Variants in HBEGF observed in about 807,000 individuals in gnomAD.
HBEGF encodes the protein proheparin-binding EGF-like growth factor.
HBEGF carries 8 observed loss-of-function variants against 19.5 expected under a neutral mutation model. The observed-to-expected ratio is 0.41, with a 90% CI of 0.24 to 0.74. The LOEUF is 0.74. Ranked by LOEUF, HBEGF falls within the 30% of genes least tolerant of loss-of-function variation. The pLI is 0.32. For synonymous variants in HBEGF, 97 were observed against 108.9 expected, an observed-to-expected ratio of 0.89 and a Z score of 0.68; for missense variants, 207 against 256.9, an observed-to-expected ratio of 0.81 and a Z score of 1.33.
chr5:140,338,764 C>G (rs917123407), intron 3 of HBEGF, among the ~76,000 whole-genome samples: 1 of 152,152 alleles, frequency 6.6e-6, no homozygotes, highest in African/African-American at 2.4e-5. Flanking sequence ...ACCCACCAGA[C>G]TAGGACACAT....
chr5:140,338,983 G>A (rs1352823560), intron 3 of HBEGF, among the ~76,000 whole-genome samples: 1 of 152,196 alleles, frequency 6.6e-6, no homozygotes, highest in East Asian at 1.9e-4. Flanking sequence ...GGCAAGTCAC[G>A]TTACCTTTCT....
At chr5:140,340,802 C>T (rs1766300097) in intron 3 of HBEGF, among the ~76,000 whole-genome samples, 1 of 152,126 alleles carries the variant, frequency 6.6e-6, no homozygotes, top group Non-Finnish European at 1.5e-5. Flanking sequence ...TGAAAGCCAA[C>T]ACCCAGTACA....
Position 140,333,519 on chromosome 5 carries a change from C to A in HBEGF, c.*780G>T, listed in dbSNP as rs1213566439. ...AATGTAGACAGACAATAAATTACTA[C>A]AGATGGGTCACAGAACCATCCTAGC... On this transcript the variant is annotated 3_prime_UTR_variant, in exon 6 of 6. Coordinates refer to ENST00000230990, the MANE Select transcript of HBEGF (RefSeq NM_001945.3). The A allele has an allele frequency of 6.5e-6, 1 of 152,704 alleles. No individual in the cohort carries two copies. Among genetic ancestry groups the A allele is most frequent in the Non-Finnish European group, 1.5e-5 (1 of 68,048 alleles). 9.5% of individuals were successfully genotyped at this position (152,704 alleles called of 1,614,324 possible). A position where few individuals can be genotyped will look rare whatever the true frequency, so the allele number is the denominator to read the frequency against.
chr5:140,336,243 C>T (rs1271959844), intron 3 of HBEGF, among the ~76,000 whole-genome samples: 2 of 152,204 alleles, frequency 1.3e-5, no homozygotes, highest in East Asian at 3.8e-4. Context: ...GACACCCTCC[C>T]CTTTTCCATT....
intron 4 of HBEGF, among the ~76,000 whole-genome samples, 180 bp downstream of exon 4, chr5:140,335,692 C>G (rs1034611459): frequency 6.6e-6 from 1 of 152,158 alleles, no homozygotes; most frequent in Non-Finnish European, 1.5e-5. Flanking sequence ...ACCCTGGGCT[C>G]TAGACACAGG....
In HBEGF at chr5:140,346,192, C is replaced by T. The variant is rs1411239417; in HGVS notation, c.46+91G>A. On this transcript the variant is annotated intron_variant, in intron 1 of 5. Coordinates refer to ENST00000230990, the MANE Select transcript of HBEGF (RefSeq NM_001945.3). This position sits in a 1 kb window ranked among gnomAD's most constrained non-coding sequence, Gnocchi z 6.1. ...AGCGCAAGGGCCCCACCAAGTGGCC[C>T]GTGCCGGGTGCGCTGCGGCGACCTT... 2 of 1,556,090 alleles carry T rather than the reference C, an allele frequency of 1.3e-6. No homozygotes were observed. Among genetic ancestry groups the T allele is most frequent in the Admixed American group, 1.9e-5 (1 of 52,618 alleles).
Position 140,346,108 on chromosome 5 carries a change from A to G in HBEGF, c.47-24T>C. On this transcript the variant is annotated intron_variant, in intron 1 of 5. Transcript: ENST00000230990. This position sits in a 1 kb window ranked among gnomAD's most constrained non-coding sequence, Gnocchi z 6.1. The stretch of plus-strand genomic sequence containing the variant: ...AACTGCGGGCGAGAGGCCAGGCCGC[A>G]TCAGACACCCGCCCAGACCCCTGAC... 1 of 1,603,764 alleles carries G rather than the reference A, an allele frequency of 6.2e-7. No homozygotes were observed. Among genetic ancestry groups the G allele is most frequent in the East Asian group, 2.2e-5 (1 of 44,608 alleles).
At chr5:140,340,234 C>T (rs570580772) in intron 3 of HBEGF, among the ~76,000 whole-genome samples, 3 of 151,150 alleles carry the variant, frequency 2.0e-5, no homozygotes, top group African/African-American at 7.3e-5. Context: ...TGCAGAGAGC[C>T]GAGATTGTGT....
At position 140,335,899 on chromosome 5, in the gene HBEGF, A is replaced by C. The variant is rs1323798782; in HGVS notation, c.527T>G (p.Leu176Arg). 6.2e-7 allele frequency: 1 copy of C among 1,614,180 alleles called. No homozygotes were observed. Reference protein sequence around the residue: ...VAVVLSSVCLLVIVGLLMFRY... With the variant: ...VAVVLSSVCLRVIVGLLMFRY... Reference sequence around the variant, plus strand: ...AAACATGAGAAGCCCCACGATGACCAGCAGACAGACAGATGACAGCACCAC... The same window carrying C: ...AAACATGAGAAGCCCCACGATGACCCGCAGACAGACAGATGACAGCACCAC... The change falls in exon 4 of 6, where the codon CTG becomes CGG. Residue 176 changes from leucine (L) to arginine (R), a missense_variant. Leu to Arg is a moderately radical substitution (Grantham distance 102). Around this residue, in one of 3 missense-constraint regions of HBEGF, gnomAD observed 77 missense variants for 106.9 expected, o/e 0.72. Transcript: ENST00000230990.
At position 140,333,151 on chromosome 5, in the gene HBEGF, G is replaced by A. The variant is rs4150241; in HGVS notation, c.*1148C>T. The A allele has an allele frequency of 8.6e-3, 1,310 of 152,846 alleles. 3 individuals carry two copies. Among genetic ancestry groups the A allele is most frequent in the Non-Finnish European group, 0.014 (944 of 68,094 alleles). The allele number at this position is 152,846 out of a possible 1,614,324, so 9.5% of individuals were successfully genotyped here. A position where few individuals can be genotyped will look rare whatever the true frequency, so the allele number is the denominator to read the frequency against. On this transcript the variant is annotated 3_prime_UTR_variant, in exon 6 of 6. Transcript: ENST00000230990. ...CCTCTGCTGCACTGACCCCTGCATG[G>A]AGTAGCACCAGAAGAATGGCAGGAG... is the stretch of plus-strand genomic sequence containing the variant.
intron 3 of HBEGF, among the ~76,000 whole-genome samples, chr5:140,341,161 C>T (rs1249499577): frequency 2.0e-5 from 3 of 152,194 alleles, no homozygotes; most frequent in Admixed American, 6.5e-5. Flanking sequence ...GGGAAGGTGG[C>T]CTGGGCACCC....
chr5:140,341,327 C>G (rs1766307869), intron 3 of HBEGF, among the ~76,000 whole-genome samples: 1 of 152,232 alleles, frequency 6.6e-6, no homozygotes, highest in Non-Finnish European at 1.5e-5. Context: ...CTCAATCCAC[C>G]TTGACTACTT....
rs925058823 is a variant in HBEGF at position 140,346,583 on chromosome 5, G to C, written c.-255C>G. The C allele has an allele frequency of 3.7e-6, 2 of 536,492 alleles. No homozygotes were observed. The highest frequency in any genetic ancestry group is 2.4e-5 in the South Asian group (1 of 42,170). The allele number at this position is 536,492 out of a possible 1,614,324, so 33.2% of individuals were successfully genotyped here. ...GTCAGGCCAGCCAGCAGCGTGGCCCGCGTAGCTCCTTCGGCCGAATGAGCG... is the reference window on the plus strand; with the variant it reads ...GTCAGGCCAGCCAGCAGCGTGGCCCCCGTAGCTCCTTCGGCCGAATGAGCG... On this transcript the variant is annotated 5_prime_UTR_variant, in exon 1 of 6. Coordinates refer to ENST00000230990, the MANE Select transcript of HBEGF (RefSeq NM_001945.3). The surrounding 1 kb of genome is among the most constrained non-coding windows in gnomAD (Gnocchi z 6.1).
intron 3 of HBEGF, among the ~76,000 whole-genome samples, chr5:140,339,313 C>G (rs1040356516): frequency 6.6e-6 from 1 of 152,206 alleles, no homozygotes; most frequent in African/African-American, 2.4e-5. Context: ...CAGTTTTCCT[C>G]CAGCCACAGG....
In HBEGF at chr5:140,346,147, T is replaced by C; in HGVS notation, c.47-63A>G. The C allele has an allele frequency of 6.4e-7, 1 of 1,573,542 alleles. No individual in the cohort carries two copies. The highest frequency in any genetic ancestry group is 1.1e-5 in the South Asian group (1 of 87,908). On this transcript the variant is annotated intron_variant, in intron 1 of 5. Transcript: ENST00000230990. This position sits in a 1 kb window ranked among gnomAD's most constrained non-coding sequence, Gnocchi z 6.1. ...CAGACCCCTGACCAACACGCACCGATGCCGACGCCCGTCCGCCAGAGCGCA... is the reference window on the plus strand; with the variant it reads ...CAGACCCCTGACCAACACGCACCGACGCCGACGCCCGTCCGCCAGAGCGCA...
At chr5:140,344,723 G>C (rs879519719) in intron 2 of HBEGF, among the ~76,000 whole-genome samples, 1 of 151,786 alleles carries the variant, frequency 6.6e-6, no homozygotes, top group Non-Finnish European at 1.5e-5. Flanking sequence ...CCAGAGCTTC[G>C]GGGAGAGCAA....
chr5:140,339,495 A>G (rs969323067), intron 3 of HBEGF, among the ~76,000 whole-genome samples: 3 of 151,854 alleles, frequency 2.0e-5, no homozygotes, highest in African/African-American at 2.4e-5. Flanking sequence ...TGGGTTTGAG[A>G]GATTCTCCTG....
intron 3 of HBEGF, among the ~76,000 whole-genome samples, chr5:140,341,272 C>T (rs1766307390): frequency 6.6e-6 from 1 of 152,318 alleles, no homozygotes; most frequent in South Asian, 2.1e-4. Context: ...CCACATCCAT[C>T]CACCAAAATG....
chr5:140,335,397 A>G (rs187989896), intron 4 of HBEGF, among the ~76,000 whole-genome samples: 3 of 151,490 alleles, frequency 2.0e-5, no homozygotes, highest in Non-Finnish European at 4.4e-5. Context: ...AAAAAAAAAA[A>G]AAAAAGAAAG....
Sources: gnomAD v4.1 joint callset for allele counts (sites outside exome capture counted in the v4.1 genomes callset) on GRCh38, gnomAD v4.1.1 for gene constraint, gnomAD v4.1.1 regional missense constraint, Gnocchi (gnomAD v3.1) non-coding constraint, MANE v1.5 for transcripts, NCBI Gene and HGNC (gene_info 2026-07-23, HGNC 2026-07-21) for gene names.